Variants in CSMD1 observed in about 807,000 individuals in gnomAD.
CSMD1 encodes CUB and Sushi multiple domains 1.
CSMD1 carries 213 observed loss-of-function variants against 417.5 expected under a neutral mutation model. The ratio of observed to expected loss-of-function variants is 0.51; its 90% CI spans 0.46 to 0.57. The LOEUF is 0.57. CSMD1 is among the 20% of genes least tolerant of loss of function. The pLI is 0.00. For synonymous variants in CSMD1, 2,862 were observed against 1,736.8 expected, an observed-to-expected ratio of 1.65 and a Z score of -16.11; for missense variants, 6,923 against 4,529.7, an observed-to-expected ratio of 1.53 and a Z score of -15.17.
intron 1 of CSMD1, among the ~76,000 whole-genome samples, chr8:4,977,603 C>G (rs1271100909): frequency 1.3e-5 from 2 of 152,172 alleles, no homozygotes; most frequent in African/African-American, 2.4e-5. Context: ...AAATCACTCT[C>G]CTGAACACGC....
intron 21 of CSMD1, among the ~76,000 whole-genome samples, chr8:3,357,647 C>G (rs1010946951): frequency 6.6e-6 from 1 of 152,150 alleles, no homozygotes; most frequent in African/African-American, 2.4e-5. Flanking sequence ...TGTTACATAT[C>G]TAGATGTCAC....
At chr8:4,566,309 C>G (rs1008908958) in intron 2 of CSMD1, among the ~76,000 whole-genome samples, 3 of 151,988 alleles carry the variant, frequency 2.0e-5, no homozygotes, top group Non-Finnish European at 4.4e-5. Context: ...GAAAGGAAAG[C>G]CATTGGCTCA....
intron 12 of CSMD1, among the ~76,000 whole-genome samples, chr8:3,437,130 G>A (rs1419737415): frequency 6.6e-6 from 1 of 152,080 alleles, no homozygotes; most frequent in East Asian, 1.9e-4. Flanking sequence ...GATCCTCCTG[G>A]TAGGGAGGGA....
chr8:3,005,770 C>T (rs371255225), intron 52 of CSMD1, among the ~76,000 whole-genome samples: 2 of 152,114 alleles, frequency 1.3e-5, no homozygotes, highest in African/African-American at 2.4e-5. Context: ...TGGGATGTAT[C>T]TCAAAATAAT....
At chr8:4,081,499 C>A (rs1396105453) in intron 3 of CSMD1, among the ~76,000 whole-genome samples, 2 of 152,170 alleles carry the variant, frequency 1.3e-5, no homozygotes, top group African/African-American at 4.8e-5. Flanking sequence ...GGGAGGCTCA[C>A]ATGACAAGGA....
chr8:3,124,645 G>T (rs545985786), intron 41 of CSMD1, among the ~76,000 whole-genome samples: 1 of 152,184 alleles, frequency 6.6e-6, no homozygotes, highest in African/African-American at 2.4e-5. Flanking sequence ...CTCTCCTAAA[G>T]TGTGTGCCCC....
intron 25 of CSMD1, among the ~76,000 whole-genome samples, chr8:3,290,664 C>T (rs2117274146): frequency 1.4e-5 from 2 of 147,308 alleles, no homozygotes; most frequent in South Asian, 4.2e-4. Flanking sequence ...GTGATTTTTG[C>T]ACATTGATTT....
At chr8:4,552,463 C>G (rs971729358) in intron 2 of CSMD1, among the ~76,000 whole-genome samples, 1 of 151,940 alleles carries the variant, frequency 6.6e-6, no homozygotes, top group Non-Finnish European at 1.5e-5. Context: ...GAAATAGTAC[C>G]AAGAACAGAT....
chr8:3,399,326 A>C, intron 16 of CSMD1, 65 bp downstream of exon 16: 2 of 1,430,314 alleles, frequency 1.4e-6, no homozygotes, highest in South Asian at 3.0e-5. Flanking sequence ...TTTAAGATCC[A>C]TTTACTAAAA....
intron 1 of CSMD1, among the ~76,000 whole-genome samples, chr8:4,724,335 G>A (rs1374041315): frequency 1.3e-5 from 2 of 152,124 alleles, no homozygotes; most frequent in South Asian, 2.1e-4. Context: ...ATTATATGAA[G>A]AGCTAATAAT....
At chr8:4,059,731 A>C (rs1798874294) in intron 3 of CSMD1, among the ~76,000 whole-genome samples, 2 of 152,140 alleles carry the variant, frequency 1.3e-5, no homozygotes, top group Admixed American at 6.6e-5. Context: ...CACTCTCCCA[A>C]GACTAAACCA....
chr8:4,575,109 T>C (rs1457452525), intron 2 of CSMD1, among the ~76,000 whole-genome samples: 1 of 152,164 alleles, frequency 6.6e-6, no homozygotes, highest in African/African-American at 2.4e-5. Flanking sequence ...ACATGTAAGG[T>C]GCATAGTTCA....
rs75389894 is a variant in CSMD1 at position 3,276,946 on chromosome 8, C to T, written c.4153+7198G>A. Among the ~76,000 whole-genome samples the T allele has an allele frequency of 3.6e-4, 55 of 152,194 alleles. 2 individuals are homozygous for T. The East Asian group carries it at 9.7e-3, about 27-fold the overall frequency. On this transcript the variant is annotated intron_variant, in intron 26 of 69. Transcript: ENST00000635120. The stretch of plus-strand genomic sequence containing the variant: ...AAATGGTAACCCACAATGGGCTAAG[C>T]ACTATTATAGAAGTATAAACATTGT...
intron 1 of CSMD1, among the ~76,000 whole-genome samples, chr8:4,855,789 T>G (rs1016031327): frequency 9.9e-5 from 15 of 151,730 alleles, no homozygotes; most frequent in Middle Eastern, 6.8e-3. Context: ...TACGTCTGAT[T>G]GGTGTACCTG....
At chr8:4,778,449 G>C (rs1037245705) in intron 1 of CSMD1, among the ~76,000 whole-genome samples, 3 of 152,090 alleles carry the variant, frequency 2.0e-5, no homozygotes, top group Middle Eastern at 3.2e-3. Flanking sequence ...ACTTTTTCCA[G>C]GAATTGTAAT....
At chr8:3,596,921 C>T (rs1485087965) in intron 8 of CSMD1, among the ~76,000 whole-genome samples, 1 of 152,212 alleles carries the variant, frequency 6.6e-6, no homozygotes, top group African/African-American at 2.4e-5. Context: ...AAACATGCCT[C>T]AGTTTCCAAG....
At chr8:3,779,424 A>G (rs1799060504) in intron 5 of CSMD1, among the ~76,000 whole-genome samples, 1 of 152,182 alleles carries the variant, frequency 6.6e-6, no homozygotes, top group African/African-American at 2.4e-5. Flanking sequence ...TAGGAGCATC[A>G]AGAAAGATCG....
chr8:3,875,467 C>G (rs935276632), intron 5 of CSMD1, among the ~76,000 whole-genome samples: 11 of 151,938 alleles, frequency 7.2e-5, no homozygotes, highest in Admixed American at 1.3e-4. Flanking sequence ...GGTGGAAAAG[C>G]CCGAACTGGG....
rs903616408 is a variant in CSMD1, at chr8:2,936,635, C to T, written c.*1950G>A. The T allele has an allele frequency of 6.6e-6, 1 of 152,100 alleles. No homozygotes were observed. Among genetic ancestry groups the T allele is most frequent in the South Asian group, 2.1e-4 (1 of 4,828 alleles). The allele number at this position is 152,100 out of a possible 1,614,324, so 9.4% of individuals were successfully genotyped here. The stretch of plus-strand genomic sequence containing the variant: ...GAATTCAGCATAATGATACAGAATC[C>T]AACAGCGTGGGGTTCACAAGACAAA... On this transcript the variant is annotated 3_prime_UTR_variant, in exon 70 of 70. Coordinates refer to ENST00000635120, the MANE Select transcript of CSMD1 (RefSeq NM_033225.6).
Sources: allele counts gnomAD v4.1 joint callset (sites outside exome capture counted in the v4.1 genomes callset), GRCh38; gene constraint gnomAD v4.1.1; transcripts MANE v1.5; gene names NCBI Gene and HGNC (gene_info 2026-07-23, HGNC 2026-07-21).